Variants in DCDC2C observed in about 807,000 individuals in gnomAD.
DCDC2C encodes the protein doublecortin domain containing 2C.
Under a neutral mutation model 45.0 loss-of-function variants are expected in DCDC2C, and 44 were observed. That is an observed-to-expected ratio of 0.98 (90% confidence interval 0.77 to 1.26). The LOEUF is 1.26. DCDC2C is among the 50% of genes most tolerant of loss of function. The pLI, the probability that DCDC2C is intolerant of heterozygous loss-of-function variation, is 0.00. For missense variants in DCDC2C, 447 were observed against 468.9 expected (o/e 0.95, Z 0.43); for synonymous variants, 187 against 178.8 (o/e 1.05, Z -0.37).
At chr2:3,745,277 C>T (rs2148113994) in intron 4 of DCDC2C, among the ~76,000 whole-genome samples, 1 of 152,318 alleles carries the variant, frequency 6.6e-6, no homozygotes, top group Middle Eastern at 3.4e-3. Flanking sequence ...TGAGCCACTG[C>T]ACCCAGCCTT....
chr2:3,815,916 G>T (rs966893479), intron 10 of DCDC2C, among the ~76,000 whole-genome samples: 1 of 152,184 alleles, frequency 6.6e-6, no homozygotes, highest in South Asian at 2.1e-4. Context: ...CTTAGCTTGG[G>T]CTCAGAGACC....
At chr2:3,836,062 T>A (rs1672068035) in intron 10 of DCDC2C, among the ~76,000 whole-genome samples, 1 of 152,136 alleles carries the variant, frequency 6.6e-6, no homozygotes, top group South Asian at 2.1e-4. Context: ...TGATTTTTAG[T>A]ATTTGAAAGA....
intron 1 of DCDC2C, among the ~76,000 whole-genome samples, chr2:3,706,748 C>A (rs896674498): frequency 6.6e-6 from 1 of 152,304 alleles, no homozygotes; most frequent in Non-Finnish European, 1.5e-5. Context: ...GGGAACTAGC[C>A]GCAGATGACA....
chr2:3,751,169 A>C (rs899569340), intron 4 of DCDC2C, among the ~76,000 whole-genome samples: 8 of 152,132 alleles, frequency 5.3e-5, no homozygotes, highest in Non-Finnish European at 1.2e-4. Flanking sequence ...CCCACCCTTC[A>C]AAGCCTTGCT....
intron 10 of DCDC2C, among the ~76,000 whole-genome samples, chr2:3,815,294 G>A (rs982823767): frequency 6.6e-6 from 1 of 152,200 alleles, no homozygotes; most frequent in Non-Finnish European, 1.5e-5. Flanking sequence ...CCCCTGCCCT[G>A]TGTGGCTCTC....
intron 3 of DCDC2C, among the ~76,000 whole-genome samples, chr2:3,730,076 TGA>T (rs1196189291): frequency 6.6e-6 from 1 of 152,138 alleles, no homozygotes; most frequent in African/African-American, 2.4e-5. Flanking sequence ...CAGGAGGAGC[TGA>T]GAGACAGCCG....
At chr2:3,704,312 G>A (rs1157357282) in intron 1 of DCDC2C, among the ~76,000 whole-genome samples, 2 of 151,282 alleles carry the variant, frequency 1.3e-5, no homozygotes, top group African/African-American at 4.9e-5. Context: ...CCCCAGAGAC[G>A]GCCAGGAGGG....
At chr2:3,810,268 T>C (rs1417232605) in intron 10 of DCDC2C, among the ~76,000 whole-genome samples, 2 of 152,232 alleles carry the variant, frequency 1.3e-5, no homozygotes, top group African/African-American at 4.8e-5. Flanking sequence ...GTTTCCTGAC[T>C]TTTTAATAAT....
chr2:3,784,345 T>A lies in DCDC2C; in HGVS notation c.1024-714T>A, dbSNP rs188756329. 6.0e-4 allele frequency among the ~76,000 whole-genome samples: 91 copies of A among 152,320 alleles called. 1 individual carries two copies. In the East Asian group the frequency reaches 0.015, roughly 25 times the overall value. ...ATTAAAATTAAATCTGCACTTTTTTTAAACCATTATCATAGCTAGGAATAT... is the reference window on the plus strand; with the variant it reads ...ATTAAAATTAAATCTGCACTTTTTTAAAACCATTATCATAGCTAGGAATAT... On this transcript the variant is annotated intron_variant, in intron 9 of 10. Coordinates refer to ENST00000399143, the MANE Select transcript of DCDC2C (RefSeq NM_001287444.2).
chr2:3,816,422 T>C (rs1671560536), intron 10 of DCDC2C, among the ~76,000 whole-genome samples: 1 of 152,182 alleles, frequency 6.6e-6, no homozygotes, highest in South Asian at 2.1e-4. Context: ...ACTCTTTATT[T>C]AAAAATATAC....
At chr2:3,789,283 C>G (rs1160539740) in intron 10 of DCDC2C, among the ~76,000 whole-genome samples, 2 of 152,180 alleles carry the variant, frequency 1.3e-5, no homozygotes, top group Non-Finnish European at 2.9e-5. Flanking sequence ...ATCCAGAGGC[C>G]TTTTTCCTGC....
intron 2 of DCDC2C, among the ~76,000 whole-genome samples, chr2:3,723,320 T>A (rs1668546176): frequency 6.6e-6 from 1 of 152,042 alleles, no homozygotes; most frequent in Non-Finnish European, 1.5e-5. Context: ...AGTGCTTGGA[T>A]GAAAGTAACT....
chr2:3,794,302 G>C (rs1234241823), intron 10 of DCDC2C, among the ~76,000 whole-genome samples: 1 of 152,048 alleles, frequency 6.6e-6, no homozygotes, highest in Non-Finnish European at 1.5e-5. Flanking sequence ...TTTTAGTATT[G>C]TGACACTGTC....
chr2:3,730,767 G>A (rs1027684774), intron 3 of DCDC2C, among the ~76,000 whole-genome samples: 4 of 152,208 alleles, frequency 2.6e-5, no homozygotes, highest in Admixed American at 6.5e-5. Context: ...TCTGGGTGGC[G>A]TGTGCAGTTT....
intron 10 of DCDC2C, among the ~76,000 whole-genome samples, chr2:3,816,429 A>G (rs1299416629): frequency 6.6e-6 from 1 of 152,220 alleles, no homozygotes; most frequent in African/African-American, 2.4e-5. Context: ...ATTTAAAAAT[A>G]TACAGAGTCA....
chr2:3,816,794 C>A (rs570542933), intron 10 of DCDC2C, among the ~76,000 whole-genome samples: 2 of 152,210 alleles, frequency 1.3e-5, no homozygotes, highest in South Asian at 4.1e-4. Flanking sequence ...TGGGCAGGGG[C>A]AAATCCCCAA....
At chr2:3,832,589 T>C (rs17018123) in intron 10 of DCDC2C, among the ~76,000 whole-genome samples, 13,170 of 152,306 alleles carry the variant, frequency 0.086, 1,009 homozygotes, top group East Asian at 0.44. Flanking sequence ...GGCAGATCCA[T>C]CTTGTATTTG....
At chr2:3,812,210 G>C (rs59027348) in intron 10 of DCDC2C, among the ~76,000 whole-genome samples, 6 of 146,134 alleles carry the variant, frequency 4.1e-5, no homozygotes, top group Admixed American at 1.3e-4. Flanking sequence ...ATGGTCCTGG[G>C]CTTTTTTTTT....
intron 2 of DCDC2C, among the ~76,000 whole-genome samples, chr2:3,709,981 A>C (rs1241584081): frequency 6.6e-6 from 1 of 152,198 alleles, no homozygotes; most frequent in Non-Finnish European, 1.5e-5. Context: ...TAGGGCAGGC[A>C]TTAGGTTGCT....
Sources: gnomAD v4.1 joint callset for allele counts (sites outside exome capture counted in the v4.1 genomes callset) on GRCh38, gnomAD v4.1.1 for gene constraint, MANE v1.5 for transcripts, NCBI Gene and HGNC (gene_info 2026-07-23, HGNC 2026-07-21) for gene names.